The following WDFY1 variants were observed in gnomAD, a reference collection of about 807,000 sequenced individuals.
The protein encoded by WDFY1 is WD repeat and FYVE domain containing 1.
Under a neutral mutation model 56.4 loss-of-function variants are expected in WDFY1, and 32 were observed. The observed-to-expected ratio is 0.57, with a 90% confidence interval of 0.43 to 0.76. The LOEUF is 0.76. Ranked by LOEUF, WDFY1 falls within the 30% of genes least tolerant of loss-of-function variation. WDFY1 has a pLI of 0.00. For missense variants in WDFY1, 480 were observed against 545.7 expected (o/e 0.88, Z 1.20); for synonymous variants, 192 against 197.3 (o/e 0.97, Z 0.23).
chr2:223,924,028 G>A (rs983575151), intron 1 of WDFY1, among the ~76,000 whole-genome samples: 1 of 152,020 alleles, frequency 6.6e-6, no homozygotes, highest in African/African-American at 2.4e-5. Flanking sequence ...ATCAATCTGG[G>A]GAAAAGAAAT....
At chr2:223,926,598 T>C (rs1693983302) in intron 1 of WDFY1, among the ~76,000 whole-genome samples, 1 of 152,130 alleles carries the variant, frequency 6.6e-6, no homozygotes, top group Non-Finnish European at 1.5e-5. Context: ...TAAGCAAATA[T>C]ACATACATTT....
At chr2:223,893,065 C>A (rs991213128) in intron 8 of WDFY1, among the ~76,000 whole-genome samples, 1 of 152,082 alleles carries the variant, frequency 6.6e-6, no homozygotes, top group Non-Finnish European at 1.5e-5. Flanking sequence ...GAATGGAAAC[C>A]TTGATTGGAA....
intron 1 of WDFY1, among the ~76,000 whole-genome samples, chr2:223,930,912 A>G (rs116502077): frequency 0.025 from 3,784 of 152,330 alleles, 74 homozygotes; most frequent in Non-Finnish European, 0.032. Context: ...GGCCACAAGC[A>G]TGAGTGAGCC....
At chr2:223,919,426 G>T (rs1159243519) in intron 1 of WDFY1, among the ~76,000 whole-genome samples, 1 of 152,204 alleles carries the variant, frequency 6.6e-6, no homozygotes, top group Non-Finnish European at 1.5e-5. Context: ...GGCCAGGCTG[G>T]TCACTAACTC....
chr2:223,886,468 T>C (rs1693175873), intron 8 of WDFY1, among the ~76,000 whole-genome samples: 1 of 152,190 alleles, frequency 6.6e-6, no homozygotes, highest in South Asian at 2.1e-4. Flanking sequence ...CTCACACCTG[T>C]AATCCCAGCA....
At chr2:223,880,263 T>C (rs769190601) in intron 10 of WDFY1, 31 bp from the exon 11 acceptor site, 1 of 1,598,996 alleles carries the variant, frequency 6.3e-7, no homozygotes, top group Non-Finnish European at 8.6e-7. Context: ...ACTGAAAATT[T>C]ACTTGACTGT....
At chr2:223,888,656 G>A (rs13020221) in intron 8 of WDFY1, among the ~76,000 whole-genome samples, 48,080 of 143,150 alleles carry the variant, frequency 0.34, 8,987 homozygotes, top group South Asian at 0.42. Flanking sequence ...GCATGATCTC[G>A]GCTCACTGCA....
intron 1 of WDFY1, among the ~76,000 whole-genome samples, chr2:223,938,024 C>T (rs1197959125): frequency 6.6e-6 from 1 of 152,102 alleles, no homozygotes; most frequent in Non-Finnish European, 1.5e-5. Context: ...AAATATATTA[C>T]ATATTTGGTA....
intron 6 of WDFY1, 38 bp downstream of exon 6, chr2:223,898,920 T>C: frequency 1.9e-6 from 3 of 1,555,060 alleles, no homozygotes; most frequent in Non-Finnish European, 2.7e-6. Context: ...GATGTCCAAG[T>C]TAGGCAAAAA....
chr2:223,927,467 C>G (rs1261139651), intron 1 of WDFY1, among the ~76,000 whole-genome samples: 1 of 152,226 alleles, frequency 6.6e-6, no homozygotes, highest in Admixed American at 6.5e-5. Context: ...TGTGCCAATT[C>G]TGCTAGCTTC....
At chr2:223,891,550 A>G (rs1413062857) in intron 8 of WDFY1, among the ~76,000 whole-genome samples, 2 of 152,158 alleles carry the variant, frequency 1.3e-5, no homozygotes, top group African/African-American at 2.4e-5. Context: ...TCTCTTCTAC[A>G]GACGCAGTGA....
At chr2:223,886,534 G>T (rs1452813975) in intron 8 of WDFY1, among the ~76,000 whole-genome samples, 1 of 151,948 alleles carries the variant, frequency 6.6e-6, no homozygotes, top group African/African-American at 2.4e-5. Context: ...AGACCAGCTT[G>T]GCCAATGTAG....
At chr2:223,914,068 C>G (rs142123078) in intron 2 of WDFY1, among the ~76,000 whole-genome samples, 1,819 of 134,072 alleles carry the variant, frequency 0.014, 25 homozygotes, top group Middle Eastern at 0.072. Flanking sequence ...GCAATCTCAG[C>G]TCACTGCAAC....
intron 9 of WDFY1, among the ~76,000 whole-genome samples, chr2:223,883,122 C>G (rs770515258): frequency 1.3e-5 from 2 of 152,084 alleles, no homozygotes; most frequent in Non-Finnish European, 1.5e-5. Flanking sequence ...TGGGCTTAAG[C>G]CACCCTTCCA....
At chr2:223,885,438 CCTT>C (rs1459969748) in intron 8 of WDFY1, among the ~76,000 whole-genome samples, 1 of 152,106 alleles carries the variant, frequency 6.6e-6, no homozygotes, top group African/African-American at 2.4e-5. Flanking sequence ...TTCAAATAAT[CCTT>C]CTGCCTCAGC....
intron 10 of WDFY1, among the ~76,000 whole-genome samples, chr2:223,880,913 C>A (rs1250846848): frequency 6.6e-6 from 1 of 152,166 alleles, no homozygotes; most frequent in East Asian, 1.9e-4. Context: ...CTGCCATGCA[C>A]AGGAGCAGTG....
Position 223,912,343 on chromosome 2 carries a change from G to T in WDFY1, c.206-17C>A. ...AGCAAGGAGCTGCCAGAAAGACAAA[G>T]ACCACATTACCAGCAAAGCTAAGCA... On this transcript the variant is annotated splice_polypyrimidine_tract_variant and intron_variant, in intron 2 of 11. Coordinates refer to ENST00000233055, the MANE Select transcript of WDFY1 (RefSeq NM_020830.5). 6.3e-7 allele frequency: 1 copy of T among 1,591,972 alleles called. No individual in the cohort carries two copies. The highest frequency in any genetic ancestry group is 1.2e-5 in the South Asian group (1 of 86,452).
chr2:223,899,149 A>G (rs1196194229), intron 5 of WDFY1, 79 bp from the exon 6 acceptor site: 2 of 1,189,932 alleles, frequency 1.7e-6, no homozygotes, highest in Non-Finnish European at 2.5e-6. Context: ...CATTAGTCAA[A>G]GTTAGTTTTC....
At chr2:223,922,859 CA>C (rs1387668014) in intron 1 of WDFY1, among the ~76,000 whole-genome samples, 3 of 152,176 alleles carry the variant, frequency 2.0e-5, no homozygotes, top group Non-Finnish European at 4.4e-5. Context: ...TAAACTAGCC[CA>C]AAGTCAAAAT....
Sources: gnomAD v4.1 joint callset for allele counts (sites outside exome capture counted in the v4.1 genomes callset) on GRCh38, gnomAD v4.1.1 for gene constraint, MANE v1.5 for transcripts, NCBI Gene and HGNC (gene_info 2026-07-23, HGNC 2026-07-21) for gene names.